PRDM6: variants seen among roughly 807,000 people sequenced by gnomAD.
PRDM6 encodes the protein PR/SET domain 6.
Under a neutral mutation model 60.8 loss-of-function variants are expected in PRDM6, and 25 were observed. The observed-to-expected ratio is 0.41, with a 90% CI of 0.30 to 0.57. PRDM6 has a LOEUF of 0.57. Among genes scored for constraint, PRDM6 ranks in the 20% least tolerant of loss-of-function variants. The pLI is 0.27. For synonymous variants in PRDM6, 407 were observed against 357.4 expected, an observed-to-expected ratio of 1.14 and a Z score of -1.57; for missense variants, 839 against 821.3, an observed-to-expected ratio of 1.02 and a Z score of -0.26.
intron 6 of PRDM6, among the ~76,000 whole-genome samples, chr5:123,177,541 T>G (rs1412382610): frequency 6.6e-6 from 1 of 152,228 alleles, no homozygotes; most frequent in African/African-American, 2.4e-5. Context: ...ATTTTGGTAC[T>G]AGATTTTCTT....
At chr5:123,134,032 C>T (rs916127704) in intron 3 of PRDM6, among the ~76,000 whole-genome samples, 3 of 152,076 alleles carry the variant, frequency 2.0e-5, no homozygotes, top group Non-Finnish European at 2.9e-5. Context: ...AGTTAAAGAT[C>T]AGTTTACAAA....
At chr5:123,153,529 A>G (rs1277111180) in intron 3 of PRDM6, among the ~76,000 whole-genome samples, 1 of 152,156 alleles carries the variant, frequency 6.6e-6, no homozygotes, top group Non-Finnish European at 1.5e-5. Flanking sequence ...GAAATATTAT[A>G]ATGTTAGTAT....
At position 123,138,328 on chromosome 5, in the gene PRDM6, G is replaced by A. The variant is rs576293724; in HGVS notation, c.901-17556G>A. Among the ~76,000 whole-genome samples, 24 of 152,330 alleles carry A rather than the reference G, an allele frequency of 1.6e-4. No homozygotes were observed. The South Asian group carries it at 5.0e-3, about 32-fold the overall frequency. ...TAAGAGAAGTGTGAAACATACTTTAGAGGGAAAAGACAGATATGAAAACCA... is the reference window on the plus strand; with the variant it reads ...TAAGAGAAGTGTGAAACATACTTTAAAGGGAAAAGACAGATATGAAAACCA... On this transcript the variant is annotated intron_variant, in intron 3 of 7. Transcript: ENST00000407847.
chr5:123,092,216 A>C (rs886451612), intron 2 of PRDM6, among the ~76,000 whole-genome samples: 9 of 152,240 alleles, frequency 5.9e-5, no homozygotes, highest in African/African-American at 2.2e-4. Context: ...TCTCCTACTG[A>C]ATTTCTTGAA....
chr5:123,124,846 CTG>C (rs948662902), intron 3 of PRDM6, among the ~76,000 whole-genome samples: 2 of 151,668 alleles, frequency 1.3e-5, no homozygotes, highest in Non-Finnish European at 2.9e-5. Context: ...TTTTCAAACT[CTG>C]TATTTTTTTT....
At chr5:123,090,639 G>GGGCGCC (rs71572187) in intron 2 of PRDM6, 33 bp downstream of exon 2, 32 of 1,453,420 alleles carry the variant, frequency 2.2e-5, no homozygotes, top group East Asian at 1.1e-4. Context: ...CTCTCTCCCG[G>GGGCGCC]GGCGCCGGCG....
intron 5 of PRDM6, among the ~76,000 whole-genome samples, chr5:123,167,151 T>C (rs1425489904): frequency 6.6e-6 from 1 of 152,118 alleles, no homozygotes; most frequent in African/African-American, 2.4e-5. Flanking sequence ...GGAGATAGAG[T>C]CTTACTCTGT....
intron 5 of PRDM6, among the ~76,000 whole-genome samples, chr5:123,168,040 A>T (rs1000637571): frequency 4.6e-5 from 7 of 152,112 alleles, no homozygotes; most frequent in African/African-American, 1.4e-4. Flanking sequence ...TGTTTTATTT[A>T]AAAAAATGCC....
intron 5 of PRDM6, among the ~76,000 whole-genome samples, chr5:123,162,286 T>C (rs1359896347): frequency 6.6e-6 from 1 of 152,206 alleles, no homozygotes; most frequent in Non-Finnish European, 1.5e-5. Context: ...AGAGCATTTT[T>C]GGGTCTCTGT....
chr5:123,178,162 T>G (rs1424247987), intron 6 of PRDM6, among the ~76,000 whole-genome samples: 1 of 151,994 alleles, frequency 6.6e-6, no homozygotes, highest in Non-Finnish European at 1.5e-5. Flanking sequence ...CTTCTGACTG[T>G]GAGAAATAAA....
intron 3 of PRDM6, among the ~76,000 whole-genome samples, chr5:123,108,327 GT>G (rs1447480669): frequency 2.6e-5 from 4 of 152,064 alleles, no homozygotes; most frequent in Admixed American, 2.6e-4. Context: ...TGTTTTCAAT[GT>G]CTTGTAAAGC....
intron 3 of PRDM6, among the ~76,000 whole-genome samples, chr5:123,118,870 A>T (rs529189501): frequency 2.1e-4 from 32 of 152,286 alleles, no homozygotes; most frequent in Admixed American, 8.5e-4. Flanking sequence ...AGGCACAGGT[A>T]TATGACCTTC....
rs550807772 is a variant in PRDM6 at position 123,148,500 on chromosome 5, TAAA to T, written c.901-7381_901-7379del. Among the ~76,000 whole-genome samples, 23 of 151,614 alleles carry T rather than the reference TAAA, an allele frequency of 1.5e-4. 1 individual carries two copies. Among genetic ancestry groups the T allele is most frequent in the Admixed American group, 1.4e-3 (21 of 15,196 alleles). On this transcript the variant is annotated intron_variant, in intron 3 of 7. Coordinates refer to ENST00000407847, the MANE Select transcript of PRDM6 (RefSeq NM_001136239.4). The stretch of plus-strand genomic sequence containing the variant: ...TGTATAATATATATTTGAGAAAAAA[TAAA>T]AAGCTGAACACACATAATATGGGCA...
At chr5:123,101,776 G>A (rs1764109258) in intron 3 of PRDM6, among the ~76,000 whole-genome samples, 1 of 152,176 alleles carries the variant, frequency 6.6e-6, no homozygotes, top group Admixed American at 6.5e-5. Flanking sequence ...TTGGCAGGAG[G>A]CCACTACACA....
At chr5:123,150,946 C>T (rs1765356754) in intron 3 of PRDM6, among the ~76,000 whole-genome samples, 2 of 152,084 alleles carry the variant, frequency 1.3e-5, no homozygotes, top group African/African-American at 4.8e-5. Flanking sequence ...ATTTTTTAAT[C>T]CTAGTTGTTA....
intron 2 of PRDM6, among the ~76,000 whole-genome samples, chr5:123,091,378 T>C (rs1763838137): frequency 6.6e-6 from 1 of 152,238 alleles, no homozygotes; most frequent in Non-Finnish European, 1.5e-5. Flanking sequence ...TATTTATTTT[T>C]AGAAATTAGG....
At chr5:123,124,636 G>T (rs1198947053) in intron 3 of PRDM6, among the ~76,000 whole-genome samples, 1 of 152,180 alleles carries the variant, frequency 6.6e-6, no homozygotes, top group Non-Finnish European at 1.5e-5. Context: ...CAGGGATCAG[G>T]GATTAAAATG....
chr5:123,185,262 C>A (rs950893657), intron 7 of PRDM6, among the ~76,000 whole-genome samples: 1 of 152,074 alleles, frequency 6.6e-6, no homozygotes, highest in Non-Finnish European at 1.5e-5. Flanking sequence ...TCATTTCTCA[C>A]AATTGTTCAA....
chr5:123,148,169 C>T (rs1765289999), intron 3 of PRDM6, among the ~76,000 whole-genome samples: 2 of 152,202 alleles, frequency 1.3e-5, no homozygotes, highest in African/African-American at 4.8e-5. Flanking sequence ...TCTGCACACT[C>T]AACATAAACC....
Sources: gnomAD v4.1 joint callset for allele counts (sites outside exome capture counted in the v4.1 genomes callset) on GRCh38, gnomAD v4.1.1 for gene constraint, MANE v1.5 for transcripts, NCBI Gene and HGNC (gene_info 2026-07-23, HGNC 2026-07-21) for gene names.